The following PRSS2 variants were observed in gnomAD, a reference collection of about 807,000 sequenced individuals.
PRSS2 encodes serine protease 2.
Under a neutral mutation model 19.2 loss-of-function variants are expected in PRSS2, and 19 were observed. That is an observed-to-expected ratio of 0.99 (90% CI 0.69 to 1.45). The LOEUF (loss-of-function observed/expected upper bound fraction) is 1.45. Ranked by LOEUF, PRSS2 falls within the 40% of genes most tolerant of loss-of-function variation. The pLI is 0.00. For missense variants in PRSS2, 288 were observed against 294.4 expected (o/e 0.98, Z 0.16); for synonymous variants, 107 against 117.5 (o/e 0.91, Z 0.58).
chr7:142,772,065 T>A lies in PRSS2; in HGVS notation c.57T>A (p.Asp19Glu). The A allele has an allele frequency of 6.2e-7, 1 of 1,613,866 alleles. No individual in the cohort carries two copies. The highest frequency in any genetic ancestry group is 8.5e-7 in the Non-Finnish European group (1 of 1,179,738). ...FVAAAVAAPF[D>E]DDDKIVGGYI... is the part of the protein sequence containing the mutation. ...CCACTCCAGTTGCTGCCCCCTTTGA[T>A]GATGATGACAAGATCGTTGGGGGCT... Residue 19 changes from aspartate to glutamate, a missense_variant, in exon 2 of 5, where the codon GAT (aspartate) becomes GAA (glutamate). Coordinates refer to ENST00000539842, the MANE Select transcript of PRSS2 (RefSeq NM_002770.4).
chr7:142,774,143 T>A, intron 4 of PRSS2, 88 bp downstream of exon 4: 2 of 1,355,362 alleles, frequency 1.5e-6, no homozygotes, highest in South Asian at 1.2e-5. Flanking sequence ...GTGGCGGGGC[T>A]GAGGAGGCTC....
intron 2 of PRSS2, among the ~76,000 whole-genome samples, chr7:142,772,815 A>T (rs1800056499): frequency 3.3e-5 from 5 of 152,198 alleles, no homozygotes; most frequent in Admixed American, 3.3e-4. Context: ...TTCCCAGGAG[A>T]TGCTAATGCT....
intron 2 of PRSS2, 110 bp from the exon 3 acceptor site, chr7:142,773,156 C>G: frequency 6.3e-7 from 1 of 1,598,188 alleles, no homozygotes. Flanking sequence ...ACACCCCACC[C>G]CATGCCTCCA....
intron 2 of PRSS2, among the ~76,000 whole-genome samples, chr7:142,772,924 G>C (rs1276621411): frequency 6.6e-6 from 1 of 152,220 alleles, no homozygotes; most frequent in Non-Finnish European, 1.5e-5. Flanking sequence ...AAGGCCTGGA[G>C]TGAAGAATGT....
rs748713858 is a variant in PRSS2 at position 142,773,349 on chromosome 7, G to A, written c.284G>A (p.Arg95His). ...EQFINAAKII[R>H]HPKYNSRTLD... ...TTCATCAATGCGGCCAAGATCATCC[G>A]CCACCCCAAATACAACAGCCGGACT... Residue 95 changes from arginine to histidine, a missense_variant, in exon 3 of 5, where the codon CGC becomes CAC. Coordinates refer to ENST00000539842, the MANE Select transcript of PRSS2 (RefSeq NM_002770.4). The A allele has an allele frequency of 1.4e-5, 23 of 1,614,142 alleles. No homozygotes were observed. Among genetic ancestry groups the A allele is most frequent in the East Asian group, 2.2e-5 (1 of 44,876 alleles).
intron 4 of PRSS2, 99 bp downstream of exon 4, chr7:142,774,154 C>G: frequency 7.3e-7 from 1 of 1,366,974 alleles, no homozygotes; most frequent in Non-Finnish European, 1.0e-6. Context: ...GAGGAGGCTC[C>G]CTGCAGTGCC....
intron 2 of PRSS2, 108 bp downstream of exon 2, chr7:142,772,316 T>A: frequency 7.8e-7 from 1 of 1,286,604 alleles, no homozygotes; most frequent in Non-Finnish European, 1.1e-6. Context: ...AGAGAGATGG[T>A]GGAAAAGAAA....
intron 2 of PRSS2, among the ~76,000 whole-genome samples, chr7:142,772,948 A>G (rs968755386): frequency 1.3e-5 from 2 of 152,140 alleles, no homozygotes; most frequent in Non-Finnish European, 2.9e-5. Context: ...GAAAACTTCA[A>G]GGAGCTCCTT....
intron 1 of PRSS2, among the ~76,000 whole-genome samples, 168 bp from the exon 2 acceptor site, chr7:142,771,881 T>A (rs879191267): frequency 3.0e-5 from 4 of 135,528 alleles, no homozygotes; most frequent in African/African-American, 8.8e-5. Context: ...ACACAGAGAC[T>A]TGGGAGCCAC....
intron 1 of PRSS2, 28 bp downstream of exon 1, chr7:142,771,050 C>T: frequency 1.9e-6 from 1 of 529,566 alleles, no homozygotes; most frequent in Non-Finnish European, 3.4e-6. Context: ...CCTCAGGCCT[C>T]AACCAACCCT....
Position 142,773,389 on chromosome 7 carries a change from C to A in PRSS2, c.324C>A (p.Ile108=). 1 of 1,612,488 alleles carries A rather than the reference C, an allele frequency of 6.2e-7. No homozygotes were observed. Among genetic ancestry groups the A allele is most frequent in the South Asian group, 1.1e-5 (1 of 91,012 alleles). ...ACAGCCGGACTCTGGACAATGACAT[C>A]CTGCTGATCAAGCTCTCCTCACCTG... The part of the protein sequence containing the change: ...KYNSRTLDND[I]LLIKLSSPAV... The change falls in exon 3 of 5, where the codon ATC becomes ATA. Residue 108 remains isoleucine (I), a synonymous_variant. Coordinates refer to ENST00000539842, the MANE Select transcript of PRSS2 (RefSeq NM_002770.4).
rs1800118403 is a variant in PRSS2, at chr7:142,773,303, G to T, written c.238G>T (p.Val80Phe). The change falls in exon 3 of 5, where the codon GTC becomes TTC. Residue 80 changes from valine to phenylalanine, a missense_variant. Coordinates refer to ENST00000539842, the MANE Select transcript of PRSS2 (RefSeq NM_002770.4). ...QVRLGEHNIE[V>F]LEGNEQFINA... ...GAGACTGGGAGAGCACAACATCGAA[G>T]TCCTGGAGGGGAATGAACAGTTCAT... The T allele has an allele frequency of 1.9e-6, 3 of 1,614,124 alleles. No individual in the cohort carries two copies. The South Asian group carries it at 3.3e-5, about 18-fold the overall frequency.
chr7:142,771,598 G>T (rs1296505704), intron 1 of PRSS2, among the ~76,000 whole-genome samples: 3 of 152,022 alleles, frequency 2.0e-5, no homozygotes, highest in Non-Finnish European at 4.4e-5. Context: ...TCACTGGGCA[G>T]ATTTGAGCTG....
chr7:142,774,197 G>C (rs891530291), intron 4 of PRSS2, 142 bp downstream of exon 4: 4 of 1,193,128 alleles, frequency 3.4e-6, no homozygotes, highest in South Asian at 1.3e-5. Flanking sequence ...CCTTTGGGCT[G>C]CATCCTGTCT....
chr7:142,773,049 TC>T (rs1304571736), intron 2 of PRSS2, among the ~76,000 whole-genome samples: 5 of 151,902 alleles, frequency 3.3e-5, no homozygotes, highest in Non-Finnish European at 7.4e-5. Context: ...CTTTGACTCT[TC>T]CCCACTCCAC....
Position 142,774,020 on chromosome 7 carries a change from G to T in PRSS2, c.556G>T (p.Val186Leu), listed in dbSNP as rs1198474069. 1 of 1,604,554 alleles carries T rather than the reference G, an allele frequency of 6.2e-7. No homozygotes were observed. The highest frequency in any genetic ancestry group is 8.5e-7 in the Non-Finnish European group (1 of 1,171,460). Residue 186 changes from valine to leucine, a missense_variant, in exon 4 of 5, where the codon GTG becomes TTG. Val to Leu is a conservative substitution (Grantham distance 32). Coordinates refer to ENST00000539842, the MANE Select transcript of PRSS2 (RefSeq NM_002770.4). The stretch of plus-strand genomic sequence containing the variant: ...AAAGATTACCAACAACATGTTCTGT[G>T]TGGGCTTCCTCGAGGGAGGCAAGGA... ...PGKITNNMFC[V>L]GFLEGGKDSC... is the part of the protein sequence containing the mutation.
At position 142,774,383 on chromosome 7, in the gene PRSS2, A is replaced by C; in HGVS notation, c.619A>C (p.Asn207His). ...TGATTCTGGTGGCCCTGTGGTCTCC[A>C]ATGGAGAGCTCCAAGGAATTGTCTC... The part of the protein sequence containing the change: ...QGDSGGPVVS[N>H]GELQGIVSWG... The change falls in exon 5 of 5, where the codon AAT becomes CAT. Residue 207 changes from asparagine (N) to histidine (H), a missense_variant. Coordinates refer to ENST00000539842, the MANE Select transcript of PRSS2 (RefSeq NM_002770.4). The C allele has an allele frequency of 6.0e-6, 9 of 1,488,630 alleles. No homozygotes were observed. Among genetic ancestry groups the C allele is most frequent in the Non-Finnish European group, 8.4e-6 (9 of 1,066,148 alleles). The allele number at this position is 1,488,630 out of a possible 1,614,324, so 92.2% of individuals were successfully genotyped here.
In PRSS2 at chr7:142,774,063, G is replaced by A. The variant is rs754374634; in HGVS notation, c.591+8G>A. The A allele has an allele frequency of 1.3e-6, 2 of 1,584,758 alleles. No homozygotes were observed. ...GGCAAGGATTCCTGCCAGGTGATTTGACCCCTTCCCATGCTGAGGCTCCCA... is the reference window on the plus strand; with the variant it reads ...GGCAAGGATTCCTGCCAGGTGATTTAACCCCTTCCCATGCTGAGGCTCCCA... On this transcript the variant is annotated splice_region_variant and intron_variant, in intron 4 of 4. Transcript: ENST00000539842.
chr7:142,772,353 G>A, intron 2 of PRSS2, 145 bp downstream of exon 2: 5 of 1,184,028 alleles, frequency 4.2e-6, no homozygotes, highest in Non-Finnish European at 6.2e-6. Flanking sequence ...TGACTCTCCA[G>A]AGCAGAGAGT....
Sources: gnomAD v4.1 joint callset for allele counts (sites outside exome capture counted in the v4.1 genomes callset) on GRCh38, gnomAD v4.1.1 for gene constraint, MANE v1.5 for transcripts, NCBI Gene and HGNC (gene_info 2026-07-23, HGNC 2026-07-21) for gene names.